Variants in AGO3 observed in about 807,000 individuals in gnomAD.
The protein encoded by AGO3 is protein argonaute-3.
AGO3 carries 16 observed loss-of-function variants against 105.5 expected under a neutral mutation model. That is an observed-to-expected ratio of 0.15 (90% CI 0.10 to 0.23). The LOEUF (loss-of-function observed/expected upper bound fraction) is 0.23, where lower values mean the gene tolerates loss of function less well. Among genes scored for constraint, AGO3 ranks in the 10% least tolerant of loss-of-function variants. The pLI is 1.00. For missense variants in AGO3, 534 were observed against 1,088.0 expected (o/e 0.49, Z 7.16); for synonymous variants, 340 against 367.3 (o/e 0.93, Z 0.85).
chr1:35,992,371 T>C (rs1402006928), intron 5 of AGO3: 1 of 152,216 alleles, frequency 6.6e-6, no homozygotes, highest in East Asian at 1.9e-4. Context: ...GATATAGGAC[T>C]CTACCTGCTT....
In AGO3 at chr1:36,040,656, T is replaced by C. The variant is rs368922114; in HGVS notation, c.2172+215T>C. 9.8e-5 allele frequency among the ~76,000 whole-genome samples: 15 copies of C among 152,358 alleles called. No individual in the cohort carries two copies. The East Asian group carries it at 2.9e-3, about 29-fold the overall frequency. On this transcript the variant is annotated intron_variant, in intron 16 of 18. Transcript: ENST00000373191. ...CCAAATATTCAAAATCTCATTCTAC[T>C]TTTTTGTTGTGAAGAAACTCATGGT... is the stretch of plus-strand genomic sequence containing the variant.
chr1:35,948,814 T>C lies in AGO3; in HGVS notation c.191+2951T>C, dbSNP rs150617594. 4.3e-3 allele frequency among the ~76,000 whole-genome samples: 656 copies of C among 152,268 alleles called. 9 individuals are homozygous for C. The highest frequency in any genetic ancestry group is 0.015 in the African/African-American group (616 of 41,584). On this transcript the variant is annotated intron_variant, in intron 2 of 18. Transcript: ENST00000373191. ...CTTTAGGTTGCTTTATCTTACATTT[T>C]TTTGACAGTACCAATAATTTAGATT... is the stretch of plus-strand genomic sequence containing the variant.
At chr1:36,024,686 ATTTC>A (rs762924223) in intron 11 of AGO3, among the ~76,000 whole-genome samples, 1 of 151,976 alleles carries the variant, frequency 6.6e-6, no homozygotes, top group African/African-American at 2.4e-5. Context: ...TATGACATTT[ATTTC>A]TTTATTTTAT....
At chr1:35,952,953 C>G (rs987525016) in intron 2 of AGO3, among the ~76,000 whole-genome samples, 3 of 152,148 alleles carry the variant, frequency 2.0e-5, no homozygotes, top group Admixed American at 6.5e-5. Flanking sequence ...GTTTATCCAT[C>G]ATTTGATGGA....
intron 11 of AGO3, among the ~76,000 whole-genome samples, chr1:36,016,107 G>A (rs144363444): frequency 4.6e-5 from 7 of 152,316 alleles, no homozygotes; most frequent in African/African-American, 1.7e-4. Context: ...ACAGTTAGCT[G>A]TAATTGATTG....
intron 11 of AGO3, among the ~76,000 whole-genome samples, chr1:36,022,422 T>G (rs1189814026): frequency 2.0e-5 from 3 of 152,138 alleles, no homozygotes; most frequent in Admixed American, 2.0e-4. Context: ...CTACTATAAT[T>G]TTAAATTACA....
chr1:36,043,684 T>G (rs916476294), intron 17 of AGO3, 136 bp downstream of exon 17: 11 of 736,008 alleles, frequency 1.5e-5, no homozygotes, highest in Middle Eastern at 3.4e-4. Flanking sequence ...GATGAAACTT[T>G]CAGTAAACAA....
chr1:35,997,625 G>A (rs939140276), intron 5 of AGO3, among the ~76,000 whole-genome samples: 1 of 152,092 alleles, frequency 6.6e-6, no homozygotes, highest in Non-Finnish European at 1.5e-5. Flanking sequence ...AAGCATTTTC[G>A]CCTTAACGAT....
At chr1:36,044,283 G>A (rs1362361130) in intron 17 of AGO3, among the ~76,000 whole-genome samples, 1 of 152,152 alleles carries the variant, frequency 6.6e-6, no homozygotes, top group African/African-American at 2.4e-5. Context: ...GGCAGAGGGA[G>A]GTTGCCATGA....
chr1:36,059,550 G>A lies in AGO3; in HGVS notation c.*3805G>A, dbSNP rs535249703. The A allele has an allele frequency of 9.6e-4, 144 of 149,924 alleles. No homozygotes were observed. The highest frequency in any genetic ancestry group is 3.2e-3 in the African/African-American group (130 of 40,768). The allele number at this position is 149,924 out of a possible 1,614,324, so 9.3% of individuals were successfully genotyped here. A position where few individuals can be genotyped will look rare whatever the true frequency, so the allele number is the denominator to read the frequency against. The stretch of plus-strand genomic sequence containing the variant: ...AGACTGACTGTAAAATATCAGTCTG[G>A]CAACTAGATAATTGATTTTCATATG... On this transcript the variant is annotated 3_prime_UTR_variant, in exon 19 of 19. Coordinates refer to ENST00000373191, the MANE Select transcript of AGO3 (RefSeq NM_024852.4).
rs751718381 is a variant in AGO3, at chr1:36,027,177, A to G, written c.1470A>G (p.Pro490=). The G allele has an allele frequency of 3.1e-6, 5 of 1,614,112 alleles. No individual in the cohort carries two copies. The highest frequency in any genetic ancestry group is 2.2e-5 in the East Asian group (1 of 44,890). ...KDAGMPIQGQ[P]CFCKYAQGAD... ...CAGGGATGCCCATCCAGGGCCAGCC[A>G]TGCTTCTGCAAATATGCACAGGGGG... The change falls in exon 12 of 19, where the codon CCA becomes CCG. Residue 490 remains proline, a synonymous_variant. Transcript: ENST00000373191. This position sits in a 1 kb window ranked among gnomAD's most constrained non-coding sequence, Gnocchi z 4.0.
At chr1:35,970,629 C>CT (rs938319549) in intron 3 of AGO3, among the ~76,000 whole-genome samples, 3 of 151,466 alleles carry the variant, frequency 2.0e-5, no homozygotes, top group Non-Finnish European at 2.9e-5. Flanking sequence ...CTTCCTTTTT[C>CT]TTTTTTTTCA....
At chr1:36,013,009 C>T (rs887359631) in intron 9 of AGO3, among the ~76,000 whole-genome samples, 6 of 151,988 alleles carry the variant, frequency 3.9e-5, no homozygotes, top group African/African-American at 1.4e-4. Context: ...CAATCACAGC[C>T]CACTGCAGCC....
chr1:36,063,327 T>G lies in AGO3; in HGVS notation c.*7582T>G, dbSNP rs975697154. 2 of 152,106 alleles carry G rather than the reference T, an allele frequency of 1.3e-5. No homozygotes were observed. Among genetic ancestry groups the G allele is most frequent in the African/African-American group, 4.8e-5 (2 of 41,444 alleles). The allele number at this position is 152,106 out of a possible 1,614,324, so 9.4% of individuals were successfully genotyped here. On this transcript the variant is annotated 3_prime_UTR_variant, in exon 19 of 19. Coordinates refer to ENST00000373191, the MANE Select transcript of AGO3 (RefSeq NM_024852.4). ...GGATTTATTTTACCTGACTACAGTT[T>G]TGGGGAAACCTGTCAAATAAATAAT...
intron 14 of AGO3, among the ~76,000 whole-genome samples, chr1:36,037,479 C>T (rs1345976017): frequency 2.0e-5 from 3 of 152,094 alleles, no homozygotes; most frequent in African/African-American, 7.2e-5. Flanking sequence ...TGAAATCATG[C>T]CACTGCACTC....
chr1:36,054,190 A>T (rs1642836543), intron 17 of AGO3, among the ~76,000 whole-genome samples: 1 of 152,172 alleles, frequency 6.6e-6, no homozygotes, highest in South Asian at 2.1e-4. Context: ...TAGTCAGCAA[A>T]TAACCAATAA....
At chr1:36,005,391 G>A (rs2148810811) in intron 6 of AGO3, among the ~76,000 whole-genome samples, 1 of 152,284 alleles carries the variant, frequency 6.6e-6, no homozygotes, top group African/African-American at 2.4e-5. Flanking sequence ...AACCAAGAGA[G>A]AGATAGTCAT....
At chr1:35,954,853 C>T in intron 2 of AGO3, among the ~76,000 whole-genome samples, 1 of 152,136 alleles carries the variant, frequency 6.6e-6, no homozygotes, top group East Asian at 1.9e-4. Context: ...ATAAAAGGTA[C>T]AGTAAAAATA....
At position 36,060,392 on chromosome 1, in the gene AGO3, G is replaced by A. The variant is rs1166114431; in HGVS notation, c.*4647G>A. 1 of 152,238 alleles carries A rather than the reference G, an allele frequency of 6.6e-6. No individual in the cohort carries two copies. Among genetic ancestry groups the A allele is most frequent in the Non-Finnish European group, 1.5e-5 (1 of 68,040 alleles). The allele number at this position is 152,238 out of a possible 1,614,324, so 9.4% of individuals were successfully genotyped here. ...CAAGGAAAGGGTGAGCGCTAAGCAT[G>A]CCAGTGATGGATCCGAAGTATTTAG... is the stretch of plus-strand genomic sequence containing the variant. On this transcript the variant is annotated 3_prime_UTR_variant, in exon 19 of 19. Transcript: ENST00000373191.
Sources: gnomAD v4.1 joint callset for allele counts (sites outside exome capture counted in the v4.1 genomes callset) on GRCh38, gnomAD v4.1.1 for gene constraint, Gnocchi (gnomAD v3.1) non-coding constraint, MANE v1.5 for transcripts, NCBI Gene and HGNC (gene_info 2026-07-23, HGNC 2026-07-21) for gene names.